Variants in COL5A2 observed in about 807,000 individuals in gnomAD.
The protein encoded by COL5A2 is collagen type V alpha 2 chain.
COL5A2 carries 23 observed loss-of-function variants against 208.2 expected under a neutral mutation model. The observed-to-expected ratio is 0.11, with a 90% CI of 0.08 to 0.16. The LOEUF is 0.16. COL5A2 is among the 10% of genes least tolerant of loss of function. COL5A2 has a pLI of 1.00. For missense variants in COL5A2, 1,590 were observed against 1,956.4 expected (o/e 0.81, Z 3.53); for synonymous variants, 625 against 628.5 (o/e 0.99, Z 0.08).
At chr2:189,387,618 A>G in the COL5A2 span, among the ~76,000 whole-genome samples, 2 of 152,212 alleles carry the variant, frequency 1.3e-5, no homozygotes, top group Non-Finnish European at 2.9e-5. Flanking sequence ...AAAATTTTAT[A>G]TAAACTTTGA....
At chr2:189,255,551 T>A in the COL5A2 span, among the ~76,000 whole-genome samples, 1 of 152,178 alleles carries the variant, frequency 6.6e-6, no homozygotes, top group Non-Finnish European at 1.5e-5. Flanking sequence ...CATGATAAAA[T>A]AATTATTTGT....
intron 6 of COL5A2, among the ~76,000 whole-genome samples, chr2:189,096,977 A>G (rs1686932202): frequency 6.6e-6 from 1 of 152,188 alleles, no homozygotes; most frequent in African/African-American, 2.4e-5. Context: ...ACCACAGATC[A>G]TATAACTTGG....
chr2:189,064,854 C>T, intron 24 of COL5A2, 150 bp downstream of exon 24: 1 of 899,086 alleles, frequency 1.1e-6, no homozygotes, highest in South Asian at 1.4e-5. Flanking sequence ...AGGAATTACA[C>T]AAGAGAGGAT....
At chr2:189,351,551 G>A in the COL5A2 span, among the ~76,000 whole-genome samples, 1 of 152,120 alleles carries the variant, frequency 6.6e-6, no homozygotes, top group South Asian at 2.1e-4. Context: ...GGGTGTGTAT[G>A]TGTATATAAA....
the COL5A2 span, among the ~76,000 whole-genome samples, chr2:189,274,470 T>C: frequency 6.6e-6 from 1 of 152,156 alleles, no homozygotes; most frequent in South Asian, 2.1e-4. Flanking sequence ...GCTCCTTTCC[T>C]TCCTCTGGCA....
rs759288578 is a variant in COL5A2 at position 189,179,611 on chromosome 2, A to C, written c.-7T>G. ...CCGCCCAGTTTGCCATCATGTCTAA[A>C]TATTAGACATGTGGGTTCTCCTGAG... is the stretch of plus-strand genomic sequence containing the variant. On this transcript the variant is annotated 5_prime_UTR_variant, in exon 1 of 54. Coordinates refer to ENST00000374866, the MANE Select transcript of COL5A2 (RefSeq NM_000393.5). The C allele has an allele frequency of 6.3e-7, 1 of 1,598,694 alleles. No individual in the cohort carries two copies. Among genetic ancestry groups the C allele is most frequent in the East Asian group, 2.2e-5 (1 of 44,736 alleles).
chr2:189,085,563 T>C (rs983761620), intron 10 of COL5A2, among the ~76,000 whole-genome samples, 156 bp downstream of exon 10: 7 of 152,202 alleles, frequency 4.6e-5, no homozygotes, highest in African/African-American at 1.7e-4. Context: ...GAGAAACATA[T>C]AGCTTAAGAA....
chr2:189,347,646 G>T, the COL5A2 span, among the ~76,000 whole-genome samples: 1 of 152,042 alleles, frequency 6.6e-6, no homozygotes, highest in Non-Finnish European at 1.5e-5. Flanking sequence ...TGCTGCCATG[G>T]ACTTATTTTT....
chr2:189,047,926 T>C (rs1473218207), intron 45 of COL5A2, among the ~76,000 whole-genome samples: 1 of 152,234 alleles, frequency 6.6e-6, no homozygotes. Flanking sequence ...GTTTAAAATT[T>C]AGAACACTTC....
intron 1 of COL5A2, among the ~76,000 whole-genome samples, chr2:189,129,481 A>G (rs1407683961): frequency 6.6e-6 from 1 of 152,070 alleles, no homozygotes; most frequent in Non-Finnish European, 1.5e-5. Flanking sequence ...TCAGAAATGA[A>G]GAGAAAATGG....
chr2:189,134,767 C>T (rs987980355), intron 1 of COL5A2, among the ~76,000 whole-genome samples: 1 of 152,078 alleles, frequency 6.6e-6, no homozygotes, highest in South Asian at 2.1e-4. Flanking sequence ...GTCATAAATG[C>T]CATTCAAAAG....
chr2:189,438,693 T>C, the COL5A2 span, among the ~76,000 whole-genome samples: 1 of 152,206 alleles, frequency 6.6e-6, no homozygotes, highest in Non-Finnish European at 1.5e-5. Context: ...GGAGAAATAC[T>C]GGGGAATTCT....
At chr2:189,245,545 C>T in the COL5A2 span, among the ~76,000 whole-genome samples, 2 of 147,290 alleles carry the variant, frequency 1.4e-5, no homozygotes, top group Admixed American at 6.8e-5. Context: ...AGTGCAGTGG[C>T]GCGATCTCGG....
chr2:189,284,687 A>T, the COL5A2 span, among the ~76,000 whole-genome samples: 11 of 152,182 alleles, frequency 7.2e-5, no homozygotes, highest in Non-Finnish European at 8.8e-5. Context: ...CTAATTGACT[A>T]ATATAGAGTA....
intron 1 of COL5A2, among the ~76,000 whole-genome samples, chr2:189,155,207 C>T (rs572817592): frequency 3.3e-5 from 5 of 152,210 alleles, no homozygotes; most frequent in African/African-American, 9.6e-5. Flanking sequence ...AGGCTGGTCT[C>T]GAACTCCTGG....
chr2:189,314,414 CAG>C, the COL5A2 span, among the ~76,000 whole-genome samples: 3 of 152,092 alleles, frequency 2.0e-5, no homozygotes, highest in Non-Finnish European at 2.9e-5. Flanking sequence ...TACAACACAC[CAG>C]AGTCTCTGGG....
the COL5A2 span, among the ~76,000 whole-genome samples, chr2:189,234,626 C>T: frequency 4.0e-4 from 61 of 151,918 alleles, no homozygotes; most frequent in East Asian, 8.9e-3. Flanking sequence ...GCCTCCTGGT[C>T]TTCTGAGAGT....
At chr2:189,346,154 C>G in the COL5A2 span, among the ~76,000 whole-genome samples, 2 of 152,148 alleles carry the variant, frequency 1.3e-5, no homozygotes, top group Non-Finnish European at 2.9e-5. Context: ...AAATCATGAG[C>G]AACTATAGGC....
chr2:189,049,319 G>A lies in COL5A2; in HGVS notation c.3147+28C>T, dbSNP rs182313733. 7.7e-5 allele frequency: 113 copies of A among 1,466,266 alleles called. 1 individual carries two copies. The Admixed American group carries it at 1.6e-3, about 20-fold the overall frequency. 90.8% of individuals were successfully genotyped at this position (1,466,266 alleles called of 1,614,324 possible). ...GTTTCCATGACACCAGATAACAAGA[G>A]AAGAGTTATTTTCACTGTAGTACTC... On this transcript the variant is annotated intron_variant, in intron 44 of 53. Transcript: ENST00000374866.
Sources: gnomAD v4.1 joint callset for allele counts (sites outside exome capture counted in the v4.1 genomes callset) on GRCh38, gnomAD v4.1.1 for gene constraint, MANE v1.5 for transcripts, NCBI Gene and HGNC (gene_info 2026-07-23, HGNC 2026-07-21) for gene names.